The following CDK8 variants were observed in gnomAD, a reference collection of about 807,000 sequenced individuals.
The protein encoded by CDK8 is cyclin dependent kinase 8.
Under a neutral mutation model 71.5 loss-of-function variants are expected in CDK8, and 29 were observed. The ratio of observed to expected loss-of-function variants is 0.41; its 90% CI spans 0.30 to 0.55. CDK8 has a LOEUF of 0.55. Among genes scored for constraint, CDK8 ranks in the 20% least tolerant of loss-of-function variants. The pLI, the probability that CDK8 is intolerant of heterozygous loss-of-function variation, is 0.37. For synonymous variants in CDK8, 161 were observed against 192.1 expected, an observed-to-expected ratio of 0.84 and a Z score of 1.34; for missense variants, 288 against 572.6, an observed-to-expected ratio of 0.50 and a Z score of 5.07.
intron 3 of CDK8, among the ~76,000 whole-genome samples, chr13:26,353,259 G>T (rs1389864589): frequency 6.6e-6 from 1 of 152,066 alleles, no homozygotes; most frequent in African/African-American, 2.4e-5. Context: ...TTTCCATTGT[G>T]AACTGGTATA....
intron 6 of CDK8, among the ~76,000 whole-genome samples, 193 bp from the exon 7 acceptor site, chr13:26,393,168 TATAATA>T (rs1475032322): frequency 6.6e-6 from 1 of 152,140 alleles, no homozygotes; most frequent in African/African-American, 2.4e-5. Flanking sequence ...AATATATACT[TATAATA>T]ATGTTTCATG....
chr13:26,369,855 C>T (rs1226657848), intron 4 of CDK8, among the ~76,000 whole-genome samples: 4 of 151,064 alleles, frequency 2.6e-5, no homozygotes, highest in Non-Finnish European at 5.9e-5. Flanking sequence ...CATGCTCAGC[C>T]GGTTGGACGA....
chr13:26,360,328 G>GT (rs1874078413), intron 4 of CDK8, among the ~76,000 whole-genome samples: 1 of 152,102 alleles, frequency 6.6e-6, no homozygotes, highest in African/African-American at 2.4e-5. Flanking sequence ...AAATATGCTG[G>GT]TATTTGTGAA....
intron 7 of CDK8, 43 bp from the exon 8 acceptor site, chr13:26,396,242 T>C (rs752395016): frequency 5.7e-5 from 48 of 835,750 alleles, no homozygotes; most frequent in Non-Finnish European, 8.3e-5. Context: ...TTCTCAAGAA[T>C]AGGAACTTAG....
At chr13:26,376,979 G>A (rs950391641) in intron 4 of CDK8, among the ~76,000 whole-genome samples, 1 of 152,196 alleles carries the variant, frequency 6.6e-6, no homozygotes, top group African/African-American at 2.4e-5. Context: ...AGAAAAATAA[G>A]AGGGAATTAT....
chr13:26,295,182 A>C (rs1186956097), intron 1 of CDK8, among the ~76,000 whole-genome samples: 2 of 152,208 alleles, frequency 1.3e-5, no homozygotes, highest in Non-Finnish European at 2.9e-5. Flanking sequence ...AAAGTACCAA[A>C]ACATTGACTG....
chr13:26,365,224 A>G (rs1486448718), intron 4 of CDK8, among the ~76,000 whole-genome samples: 1 of 152,118 alleles, frequency 6.6e-6, no homozygotes, highest in Non-Finnish European at 1.5e-5. Context: ...TTTAAATGAG[A>G]TTTGCATTAA....
intron 1 of CDK8, among the ~76,000 whole-genome samples, chr13:26,274,437 CT>C (rs565492135): frequency 1.2e-3 from 169 of 144,488 alleles, no homozygotes; most frequent in Admixed American, 1.7e-3. Context: ...TTCTTTCTTT[CT>C]TTTTTTTTTT....
chr13:26,319,011 A>G (rs1430427757), intron 1 of CDK8, among the ~76,000 whole-genome samples: 3 of 152,226 alleles, frequency 2.0e-5, no homozygotes, highest in Non-Finnish European at 4.4e-5. Flanking sequence ...ATAATCTTAT[A>G]TATAGAAAAC....
At chr13:26,343,923 G>A (rs145442449) in intron 2 of CDK8, among the ~76,000 whole-genome samples, 3 of 151,486 alleles carry the variant, frequency 2.0e-5, no homozygotes, top group East Asian at 1.9e-4. Context: ...TAGGTTCAGG[G>A]GGCACATGTG....
chr13:26,384,149 T>C (rs1044558870), intron 5 of CDK8, among the ~76,000 whole-genome samples: 3 of 152,228 alleles, frequency 2.0e-5, no homozygotes, highest in Non-Finnish European at 4.4e-5. Flanking sequence ...TGGGGAACGC[T>C]ACGTCTTAAA....
intron 4 of CDK8, among the ~76,000 whole-genome samples, chr13:26,368,768 G>T (rs760258912): frequency 2.0e-5 from 3 of 152,160 alleles, no homozygotes; most frequent in Non-Finnish European, 2.9e-5. Flanking sequence ...TCCCTTCTGT[G>T]CCTGGTTAAG....
rs188595787 is a variant in CDK8, at chr13:26,369,263, G to A, written c.457-13551G>A. Among the ~76,000 whole-genome samples, 251 of 150,790 alleles carry A rather than the reference G, an allele frequency of 1.7e-3. 1 individual carries two copies. Among genetic ancestry groups the A allele is most frequent in the Admixed American group, 4.6e-3 (70 of 15,168 alleles). On this transcript the variant is annotated intron_variant, in intron 4 of 12. Transcript: ENST00000381527. ...AGTTCAAGACCAGCCTGGACAGCAT[G>A]GTGAAATGCCATCTCTACAAAAAAA...
chr13:26,339,059 A>G (rs1045887860), intron 2 of CDK8, among the ~76,000 whole-genome samples: 3 of 152,110 alleles, frequency 2.0e-5, no homozygotes, highest in African/African-American at 7.2e-5. Flanking sequence ...ATACAGAAAG[A>G]AGTATGAAAG....
intron 1 of CDK8, among the ~76,000 whole-genome samples, chr13:26,285,396 A>G (rs1872960767): frequency 1.3e-5 from 2 of 152,348 alleles, no homozygotes; most frequent in Non-Finnish European, 2.9e-5. Flanking sequence ...AACAGAATTA[A>G]AAACAAAAAT....
At chr13:26,289,004 G>A (rs964696013) in intron 1 of CDK8, among the ~76,000 whole-genome samples, 3 of 149,368 alleles carry the variant, frequency 2.0e-5, no homozygotes, top group Non-Finnish European at 4.4e-5. Flanking sequence ...TTCCCAAAGT[G>A]CTGGGTTTAC....
intron 1 of CDK8, among the ~76,000 whole-genome samples, chr13:26,306,675 C>T (rs1874059288): frequency 7.0e-6 from 1 of 143,820 alleles, no homozygotes; most frequent in African/African-American, 2.6e-5. Context: ...GTCGCCCAGG[C>T]TGGAGTGCAG....
At chr13:26,299,621 A>G (rs1448711905) in intron 1 of CDK8, among the ~76,000 whole-genome samples, 9 of 152,198 alleles carry the variant, frequency 5.9e-5, no homozygotes. Context: ...TCATCTTGGC[A>G]TATCTTGCCT....
At chr13:26,306,622 CTT>C (rs554661537) in intron 1 of CDK8, among the ~76,000 whole-genome samples, 9,937 of 126,552 alleles carry the variant, frequency 0.079, 1,081 homozygotes, top group African/African-American at 0.25. Context: ...CCTTATTGCT[CTT>C]TTTTTTTTTT....
Sources: gnomAD v4.1 joint callset for allele counts (sites outside exome capture counted in the v4.1 genomes callset) on GRCh38, gnomAD v4.1.1 for gene constraint, MANE v1.5 for transcripts, NCBI Gene and HGNC (gene_info 2026-07-23, HGNC 2026-07-21) for gene names.